The following TMEM132D variants were observed in gnomAD, a reference collection of about 807,000 sequenced individuals.
TMEM132D encodes transmembrane protein 132D.
A neutral mutation model predicts 62.3 loss-of-function variants in TMEM132D; 21 were observed. That is an observed-to-expected ratio of 0.34 (90% CI 0.24 to 0.49). The LOEUF is 0.49. TMEM132D is among the 20% of genes least tolerant of loss of function. The pLI is 0.99. For synonymous variants in TMEM132D, 621 were observed against 575.6 expected, an observed-to-expected ratio of 1.08 and a Z score of -1.13; for missense variants, 1,346 against 1,402.8, an observed-to-expected ratio of 0.96 and a Z score of 0.65.
intron 4 of TMEM132D, among the ~76,000 whole-genome samples, chr12:129,318,045 C>G (rs1353445896): frequency 1.3e-5 from 2 of 152,060 alleles, no homozygotes; most frequent in Admixed American, 1.3e-4. Flanking sequence ...CCCTTCACTT[C>G]TTGTATCATT....
chr12:129,167,264 C>T (rs1877592959), intron 5 of TMEM132D, among the ~76,000 whole-genome samples: 1 of 152,080 alleles, frequency 6.6e-6, no homozygotes, highest in Admixed American at 6.5e-5. Flanking sequence ...GGAGGCCTCA[C>T]CATCTCGCAG....
At position 129,665,163 on chromosome 12, in the gene TMEM132D, A is replaced by G. The variant is rs1260615022; in HGVS notation, c.968+34647T>C. On this transcript the variant is annotated intron_variant, in intron 2 of 8. Coordinates refer to ENST00000422113, the MANE Select transcript of TMEM132D (RefSeq NM_133448.3). ...CCCCAGACCCTACCTCAAACTTACC[A>G]GTGAGGTCCCCAGCTTGGTTGATGG... Among the ~76,000 whole-genome samples, 10 of 151,940 alleles carry G rather than the reference A, an allele frequency of 6.6e-5. No individual in the cohort carries two copies. In the East Asian group the frequency reaches 1.9e-3, roughly 29 times the overall value.
intron 2 of TMEM132D, among the ~76,000 whole-genome samples, chr12:129,621,124 C>T (rs905392777): frequency 6.6e-6 from 1 of 152,178 alleles, no homozygotes; most frequent in Non-Finnish European, 1.5e-5. Context: ...ACTCCCACTC[C>T]TCTGACCACC....
At chr12:129,141,986 A>T (rs1274265447) in intron 5 of TMEM132D, among the ~76,000 whole-genome samples, 2 of 148,290 alleles carry the variant, frequency 1.3e-5, no homozygotes, top group East Asian at 3.9e-4. Context: ...GTATTAGATA[A>T]TATATAACAA....
intron 4 of TMEM132D, among the ~76,000 whole-genome samples, chr12:129,306,563 C>T (rs1461889651): frequency 6.6e-6 from 1 of 152,128 alleles, no homozygotes; most frequent in Non-Finnish European, 1.5e-5. Context: ...ACTAGGAATT[C>T]CACTGGCAAA....
chr12:129,198,416 T>C (rs1470571251), intron 5 of TMEM132D, among the ~76,000 whole-genome samples: 1 of 152,176 alleles, frequency 6.6e-6, no homozygotes, highest in Non-Finnish European at 1.5e-5. Context: ...TCAATCTAAG[T>C]GTCCATCAAC....
chr12:129,285,856 T>A (rs1397005006), intron 4 of TMEM132D, among the ~76,000 whole-genome samples: 1 of 152,170 alleles, frequency 6.6e-6, no homozygotes, highest in Non-Finnish European at 1.5e-5. Context: ...CCCCCATCAG[T>A]CCATCACGAC....
chr12:129,398,920 A>G (rs1038279414), intron 3 of TMEM132D, among the ~76,000 whole-genome samples: 2 of 152,156 alleles, frequency 1.3e-5, no homozygotes, highest in African/African-American at 4.8e-5. Flanking sequence ...ATAAGAGAAT[A>G]CTTGAGAATA....
At chr12:129,150,052 C>T (rs1431798059) in intron 5 of TMEM132D, among the ~76,000 whole-genome samples, 1 of 152,250 alleles carries the variant, frequency 6.6e-6, no homozygotes, top group Non-Finnish European at 1.5e-5. Flanking sequence ...CAGATGGCAG[C>T]AGGCAGAAGC....
intron 2 of TMEM132D, among the ~76,000 whole-genome samples, chr12:129,659,719 C>T (rs1565939871): frequency 1.3e-5 from 2 of 152,060 alleles, no homozygotes; most frequent in Admixed American, 1.3e-4. Flanking sequence ...TCCTAAATGA[C>T]ACAGTGTGAT....
chr12:129,873,726 A>T (rs1216539420), intron 1 of TMEM132D, among the ~76,000 whole-genome samples: 2 of 97,614 alleles, frequency 2.0e-5, no homozygotes, highest in Admixed American at 2.7e-4. Context: ...TCACAAAAGC[A>T]AAACTATGCC....
intron 1 of TMEM132D, among the ~76,000 whole-genome samples, chr12:129,721,519 T>A (rs765300761): frequency 5.9e-5 from 9 of 152,138 alleles, no homozygotes; most frequent in Non-Finnish European, 1.2e-4. Flanking sequence ...CGGGGTCACC[T>A]GGGAGGGGCC....
intron 3 of TMEM132D, among the ~76,000 whole-genome samples, chr12:129,389,745 C>G (rs1011978609): frequency 6.6e-6 from 1 of 152,218 alleles, no homozygotes. Context: ...CTAGGGCTAG[C>G]TGAGTATTTA....
intron 1 of TMEM132D, among the ~76,000 whole-genome samples, chr12:129,893,179 G>A (rs903303330): frequency 1.2e-4 from 18 of 151,974 alleles, no homozygotes; most frequent in Non-Finnish European, 1.0e-4. Flanking sequence ...CTGGCTTAAG[G>A]ACTCCTTTTT....
intron 2 of TMEM132D, among the ~76,000 whole-genome samples, chr12:129,656,667 C>T (rs555619944): frequency 2.0e-5 from 3 of 152,320 alleles, no homozygotes; most frequent in African/African-American, 7.2e-5. Flanking sequence ...TAGATCACCA[C>T]TGCCATGTGG....
intron 2 of TMEM132D, among the ~76,000 whole-genome samples, chr12:129,681,899 C>G (rs1880786391): frequency 6.6e-6 from 1 of 152,160 alleles, no homozygotes; most frequent in Non-Finnish European, 1.5e-5. Flanking sequence ...CTCCCCCAGT[C>G]TTTGTTGATG....
chr12:129,496,217 G>A (rs1439034630), intron 3 of TMEM132D, among the ~76,000 whole-genome samples: 1 of 152,208 alleles, frequency 6.6e-6, no homozygotes, highest in Admixed American at 6.5e-5. Flanking sequence ...ATTTAAGAAT[G>A]AGAGCTGAGA....
chr12:129,869,248 T>C (rs1041963942), intron 1 of TMEM132D, among the ~76,000 whole-genome samples: 1 of 152,096 alleles, frequency 6.6e-6, no homozygotes, highest in Non-Finnish European at 1.5e-5. Context: ...GGCACAGGCA[T>C]TGAAGCCACC....
intron 3 of TMEM132D, among the ~76,000 whole-genome samples, chr12:129,382,765 A>G (rs1870987725): frequency 6.6e-6 from 1 of 152,170 alleles, no homozygotes; most frequent in Non-Finnish European, 1.5e-5. Flanking sequence ...TTTGAGGTGA[A>G]CACATGTTTA....
Sources: allele counts gnomAD v4.1 joint callset (sites outside exome capture counted in the v4.1 genomes callset), GRCh38; gene constraint gnomAD v4.1.1; transcripts MANE v1.5; gene names NCBI Gene and HGNC (gene_info 2026-07-23, HGNC 2026-07-21).